The following PDPK1 variants were observed in gnomAD, a reference collection of about 807,000 sequenced individuals.
PDPK1 encodes the protein 3-phosphoinositide dependent protein kinase 1.
PDPK1 carries 7 observed loss-of-function variants against 39.8 expected under a neutral mutation model. The observed-to-expected ratio is 0.18, with a 90% CI of 0.10 to 0.33. The LOEUF is 0.33. Ranked by LOEUF, PDPK1 falls within the 10% of genes least tolerant of loss-of-function variation. The probability of loss-of-function intolerance (pLI) is 1.00; values close to 1 mark genes in which losing one functional copy is unlikely to be tolerated. For missense variants in PDPK1, 182 were observed against 384.7 expected (o/e 0.47, Z 4.41); for synonymous variants, 118 against 159.1 (o/e 0.74, Z 1.95).
rs561386521 is a variant in PDPK1 at position 2,601,906 on chromosome 16, T to A, written c.*4139T>A. ...GGATTCTTCATTTCTCCACTGTAGT[T>A]GGGGTCCATTGATTGTGCAGGGGAA... On this transcript the variant is annotated 3_prime_UTR_variant, in exon 14 of 14. Transcript: ENST00000342085. The A allele has an allele frequency of 6.9e-5, 16 of 232,054 alleles. No homozygotes were observed. The highest frequency in any genetic ancestry group is 1.3e-4 in the Non-Finnish European group (15 of 116,576). 14.4% of individuals were successfully genotyped at this position (232,054 alleles called of 1,614,324 possible). A position where few individuals can be genotyped will look rare whatever the true frequency, so the allele number is the denominator to read the frequency against.
chr16:2,590,625 G>T (rs569187502), intron 11 of PDPK1, among the ~76,000 whole-genome samples: 1 of 152,224 alleles, frequency 6.6e-6, no homozygotes, highest in Admixed American at 6.5e-5. Context: ...TATTTGGCCA[G>T]TATTTTTCTT....
chr16:2,553,402 G>A (rs1312256159), intron 1 of PDPK1, among the ~76,000 whole-genome samples: 1 of 130,272 alleles, frequency 7.7e-6, no homozygotes, highest in Non-Finnish European at 1.6e-5. Flanking sequence ...CCCTGCTGGA[G>A]TGCAGTGCTA....
chr16:2,602,656 C>A lies in PDPK1; in HGVS notation c.*4889C>A. Reference sequence around the variant, plus strand: ...GTTACAGTATTTAGAGCTGCTGTAGCTGTTCCTTCACAACATAAAATAGGA... The same window carrying A: ...GTTACAGTATTTAGAGCTGCTGTAGATGTTCCTTCACAACATAAAATAGGA... On this transcript the variant is annotated 3_prime_UTR_variant, in exon 14 of 14. Transcript: ENST00000342085. 8.5e-6 allele frequency: 2 copies of A among 234,840 alleles called. No individual in the cohort carries two copies. The highest frequency in any genetic ancestry group is 2.2e-5 in the African/African-American group (1 of 45,460). 14.5% of individuals were successfully genotyped at this position (234,840 alleles called of 1,614,324 possible).
chr16:2,589,047 C>T (rs1310948589), intron 11 of PDPK1, among the ~76,000 whole-genome samples: 1 of 152,174 alleles, frequency 6.6e-6, no homozygotes, highest in East Asian at 1.9e-4. Context: ...CCTCCGCCTC[C>T]TGGGTTAAAG....
chr16:2,595,734 G>T (rs372825770), intron 11 of PDPK1, 59 bp from the exon 12 acceptor site: 9 of 1,341,418 alleles, frequency 6.7e-6, no homozygotes, highest in Non-Finnish European at 9.7e-6. Flanking sequence ...CAGGAGGAGC[G>T]TGGAGAATTT....
In PDPK1 at chr16:2,599,066, C is replaced by T. The variant is rs183283033; in HGVS notation, c.*1299C>T. ...GTTTTGGGGCCATTTCCCTTTGATGCTTTGGTGGCCTTGCCCCGCTCTGCA... is the reference window on the plus strand; with the variant it reads ...GTTTTGGGGCCATTTCCCTTTGATGTTTTGGTGGCCTTGCCCCGCTCTGCA... On this transcript the variant is annotated 3_prime_UTR_variant, in exon 14 of 14. Coordinates refer to ENST00000342085, the MANE Select transcript of PDPK1 (RefSeq NM_002613.5). 4.3e-6 allele frequency: 1 copy of T among 233,470 alleles called. No homozygotes were observed. Among genetic ancestry groups the T allele is most frequent in the Admixed American group, 5.6e-5 (1 of 17,814 alleles). 14.5% of individuals were successfully genotyped at this position (233,470 alleles called of 1,614,324 possible).
chr16:2,588,049 C>T (rs1048499375), intron 11 of PDPK1, among the ~76,000 whole-genome samples: 1 of 152,104 alleles, frequency 6.6e-6, no homozygotes, highest in Non-Finnish European at 1.5e-5. Flanking sequence ...GAGGGCCTGG[C>T]TAGGCAGGGA....
At chr16:2,560,527 CG>C (rs1390616990) in intron 2 of PDPK1, among the ~76,000 whole-genome samples, 115 of 144,844 alleles carry the variant, frequency 7.9e-4, no homozygotes, top group African/African-American at 2.9e-3. Flanking sequence ...AGTCCTGCCC[CG>C]ATTGCGGCTC....
intron 1 of PDPK1, among the ~76,000 whole-genome samples, chr16:2,540,540 CTG>C (rs1395442439): frequency 1.3e-5 from 2 of 152,176 alleles, no homozygotes. Flanking sequence ...GCCCAGCACT[CTG>C]TAAGGAAATC....
intron 6 of PDPK1, chr16:2,576,024 G>C (rs1390939334): frequency 6.9e-6 from 1 of 144,662 alleles, no homozygotes; most frequent in Non-Finnish European, 1.5e-5. Context: ...TATGTAGGTG[G>C]AGCAAGTGGC....
chr16:2,544,589 A>C (rs111689237), intron 1 of PDPK1, among the ~76,000 whole-genome samples: 15 of 151,912 alleles, frequency 9.9e-5, no homozygotes, highest in Middle Eastern at 3.4e-3. Flanking sequence ...ACCTCCCCCA[A>C]ATTTTTTTTT....
At chr16:2,586,987 C>G in intron 11 of PDPK1, 94 bp downstream of exon 11, 1 of 1,040,714 alleles carries the variant, frequency 9.6e-7, no homozygotes, top group Non-Finnish European at 1.5e-6. Context: ...GTCACTGCCT[C>G]CCTCAGCAGC....
intron 1 of PDPK1, among the ~76,000 whole-genome samples, chr16:2,546,364 C>T (rs1192866416): frequency 4.6e-5 from 7 of 151,714 alleles, no homozygotes; most frequent in Admixed American, 2.0e-4. Flanking sequence ...GACAGAGTCT[C>T]GCTCTGTCGC....
chr16:2,546,532 C>G (rs541448214), intron 1 of PDPK1, among the ~76,000 whole-genome samples: 4 of 152,178 alleles, frequency 2.6e-5, no homozygotes, highest in African/African-American at 9.7e-5. Flanking sequence ...TGGGGTTTCA[C>G]CATGTTGGCC....
At chr16:2,545,667 A>G (rs535404640) in intron 1 of PDPK1, among the ~76,000 whole-genome samples, 3 of 152,118 alleles carry the variant, frequency 2.0e-5, no homozygotes, top group African/African-American at 7.2e-5. Context: ...GCTAATTTTT[A>G]TATTTTCAGT....
chr16:2,573,654 G>A (rs1209952933), intron 6 of PDPK1, among the ~76,000 whole-genome samples: 1 of 88,800 alleles, frequency 1.1e-5, no homozygotes, highest in East Asian at 3.3e-4. Flanking sequence ...GCTTGAACCC[G>A]GGAGGCGGAG....
Position 2,602,710 on chromosome 16 carries a change from T to C in PDPK1, c.*4943T>C, listed in dbSNP as rs2067242483. 1.7e-5 allele frequency: 4 copies of C among 234,664 alleles called. No individual in the cohort carries two copies. The highest frequency in any genetic ancestry group is 5.6e-5 in the Admixed American group (1 of 17,782). The allele number at this position is 234,664 out of a possible 1,614,324, so 14.5% of individuals were successfully genotyped here. On this transcript the variant is annotated 3_prime_UTR_variant, in exon 14 of 14. Transcript: ENST00000342085. Reference sequence around the variant, plus strand: ...ATGACTAGTACGTCTTTCAGGTGGGTGGCAAGCAGAACATGCGTAATATTC... The same window carrying C: ...ATGACTAGTACGTCTTTCAGGTGGGCGGCAAGCAGAACATGCGTAATATTC...
chr16:2,552,193 G>C (rs1232248509), intron 1 of PDPK1, among the ~76,000 whole-genome samples: 2 of 148,606 alleles, frequency 1.3e-5, no homozygotes, highest in African/African-American at 5.0e-5. Context: ...ACTGGTCTTG[G>C]ACTCCTGGAC....
rs201869822 is a variant in PDPK1 at position 2,602,889 on chromosome 16, CTG to C, written c.*5126_*5127del. 7.0e-3 allele frequency: 1,638 copies of C among 232,886 alleles called. 13 individuals are homozygous for C. The highest frequency in any genetic ancestry group is 0.028 in the Middle Eastern group (22 of 784). 14.4% of individuals were successfully genotyped at this position (232,886 alleles called of 1,614,324 possible). A position where few individuals can be genotyped will look rare whatever the true frequency, so the allele number is the denominator to read the frequency against. ...GGCTATTGTTGGCCTCTAGTTCAGTCTGTGTTATTTAAATTCTAATATATGAA... is the reference window on the plus strand; with the variant it reads ...GGCTATTGTTGGCCTCTAGTTCAGTCTGTTATTTAAATTCTAATATATGAA... On this transcript the variant is annotated 3_prime_UTR_variant, in exon 14 of 14. Transcript: ENST00000342085.
Sources: gnomAD v4.1 joint callset for allele counts (sites outside exome capture counted in the v4.1 genomes callset) on GRCh38, gnomAD v4.1.1 for gene constraint, MANE v1.5 for transcripts, NCBI Gene and HGNC (gene_info 2026-07-23, HGNC 2026-07-21) for gene names.